The following NFKB1 variants were observed in gnomAD, a reference collection of about 807,000 sequenced individuals.
NFKB1 encodes nuclear factor NF-kappa-B p105 subunit.
NFKB1 carries 9 observed loss-of-function variants against 105.1 expected under a neutral mutation model. The observed-to-expected ratio is 0.09, with a 90% confidence interval of 0.05 to 0.15. The LOEUF (loss-of-function observed/expected upper bound fraction) is 0.15. Among genes scored for constraint, NFKB1 ranks in the 10% least tolerant of loss-of-function variants. NFKB1 has a pLI of 1.00. For synonymous variants in NFKB1, 440 were observed against 442.2 expected, an observed-to-expected ratio of 1.00 and a Z score of 0.06; for missense variants, 830 against 1,203.7, an observed-to-expected ratio of 0.69 and a Z score of 4.59.
chr4:102,615,081 C>T (rs1252337277), intron 23 of NFKB1, among the ~76,000 whole-genome samples: 1 of 152,154 alleles, frequency 6.6e-6, no homozygotes, highest in Non-Finnish European at 1.5e-5. Flanking sequence ...CACCTCCCTT[C>T]AGTCCATTCT....
chr4:102,603,080 A>AT (rs964384090), intron 16 of NFKB1, among the ~76,000 whole-genome samples: 10 of 151,274 alleles, frequency 6.6e-5, no homozygotes, highest in South Asian at 4.2e-4. Flanking sequence ...AGTAGCTGTG[A>AT]TTTTTTTTTG....
Position 102,596,148 on chromosome 4 carries a change from C to G in NFKB1, c.1311C>G (p.Asp437Glu), listed in dbSNP as rs758656960. The G allele has an allele frequency of 2.8e-5, 44 of 1,593,228 alleles. No homozygotes were observed. The highest frequency in any genetic ancestry group is 3.6e-5 in the Non-Finnish European group (42 of 1,167,506). Residue 437 changes from aspartate (D) to glutamate (E), a missense_variant, in exon 14 of 24, where the codon GAC becomes GAG. This residue lies in a region of NFKB1 where 163 missense variants were observed against 164.3 expected (regional missense o/e 0.99). Transcript: ENST00000226574. ...TTGCATTTATCTTAGGAACCATGGA[C>G]ACTGAATCTAAAAAGGACCCTGAAG... ...SNAGMKHGTM[D>E]TESKKDPEGC... is the part of the protein sequence containing the mutation.
At chr4:102,502,396 A>G (rs577919385) in intron 1 of NFKB1, among the ~76,000 whole-genome samples, 1,666 of 110,588 alleles carry the variant, frequency 0.015, 19 homozygotes, top group African/African-American at 0.024. Flanking sequence ...GCGCGCACAC[A>G]CACACACACA....
chr4:102,602,089 TCA>T (rs1727206139), intron 16 of NFKB1, among the ~76,000 whole-genome samples: 1 of 152,212 alleles, frequency 6.6e-6, no homozygotes, highest in Non-Finnish European at 1.5e-5. Flanking sequence ...TCCTGCTCTC[TCA>T]GTTTTTATAG....
chr4:102,552,328 C>G (rs1177514237), intron 5 of NFKB1, among the ~76,000 whole-genome samples: 2 of 152,078 alleles, frequency 1.3e-5, no homozygotes, highest in Non-Finnish European at 2.9e-5. Flanking sequence ...TAAATGTGTC[C>G]TGTTGTCACA....
intron 6 of NFKB1, among the ~76,000 whole-genome samples, chr4:102,568,207 A>G (rs1310849078): frequency 6.6e-6 from 1 of 152,012 alleles, no homozygotes; most frequent in African/African-American, 2.4e-5. Flanking sequence ...TCTTTGTTTG[A>G]CTGTGAAAAT....
rs1316573230 is a variant in NFKB1 at position 102,501,387 on chromosome 4, G to A, written c.-409G>A. 1 of 151,554 alleles carries A rather than the reference G, an allele frequency of 6.6e-6. No individual in the cohort carries two copies. The highest frequency in any genetic ancestry group is 1.5e-5 in the Non-Finnish European group (1 of 67,854). The allele number at this position is 151,554 out of a possible 1,614,324, so 9.4% of individuals were successfully genotyped here. ...GTGCACCAGCGAGCCGGGGCAGGAA[G>A]AGGAGGTTTCGCCACCGGAGCGGCC... On this transcript the variant is annotated 5_prime_UTR_variant, in exon 1 of 24. Coordinates refer to ENST00000226574, the MANE Select transcript of NFKB1 (RefSeq NM_003998.4).
At chr4:102,528,365 T>C (rs923980030) in intron 2 of NFKB1, among the ~76,000 whole-genome samples, 3 of 152,198 alleles carry the variant, frequency 2.0e-5, no homozygotes, top group Non-Finnish European at 1.5e-5. Context: ...TTTAATCTTA[T>C]AAGCATTGAA....
chr4:102,525,366 T>A lies in NFKB1; in HGVS notation c.-7-146T>A, dbSNP rs901217436. On this transcript the variant is annotated intron_variant, in intron 1 of 23. Transcript: ENST00000226574. Reference sequence around the variant, plus strand: ...TAGATACCAAAGAGGAACTACATCATGTCCTCCTCCTATGGTCTTCAAAAA... The same window carrying A: ...TAGATACCAAAGAGGAACTACATCAAGTCCTCCTCCTATGGTCTTCAAAAA... 16 of 641,476 alleles carry A rather than the reference T, an allele frequency of 2.5e-5. No individual in the cohort carries two copies. The African/African-American group carries it at 2.8e-4, about 11-fold the overall frequency. The allele number at this position is 641,476 out of a possible 1,614,324, so 39.7% of individuals were successfully genotyped here. A position where few individuals can be genotyped will look rare whatever the true frequency, so the allele number is the denominator to read the frequency against.
chr4:102,575,429 C>T (rs1225151249), intron 6 of NFKB1, among the ~76,000 whole-genome samples: 1 of 152,108 alleles, frequency 6.6e-6, no homozygotes, highest in Non-Finnish European at 1.5e-5. Flanking sequence ...CTCTTTCTTT[C>T]CTCTACTAAT....
chr4:102,583,414 T>C (rs1316869652), intron 10 of NFKB1, among the ~76,000 whole-genome samples: 1 of 152,198 alleles, frequency 6.6e-6, no homozygotes, highest in African/African-American at 2.4e-5. Context: ...CCAAAAAAGT[T>C]ACCTACTGTA....
At chr4:102,555,580 G>A (rs990492833) in intron 5 of NFKB1, among the ~76,000 whole-genome samples, 2 of 152,108 alleles carry the variant, frequency 1.3e-5, no homozygotes, top group African/African-American at 4.8e-5. Context: ...TCTAAGAGTC[G>A]GCTAGTTGGG....
At chr4:102,596,029 C>T in intron 13 of NFKB1, 109 bp from the exon 14 acceptor site, 11 of 628,694 alleles carry the variant, frequency 1.7e-5, no homozygotes, top group South Asian at 9.0e-5. Flanking sequence ...TTTTCTTTTC[C>T]TTTTGCAGCA....
intron 16 of NFKB1, among the ~76,000 whole-genome samples, chr4:102,602,341 T>A (rs1350663053): frequency 6.7e-6 from 1 of 148,616 alleles, no homozygotes; most frequent in Non-Finnish European, 1.5e-5. Context: ...TCATCCTGGC[T>A]AACATGGTGA....
chr4:102,593,546 G>A lies in NFKB1; in HGVS notation c.1188G>A (p.Gly396=). Residue 396 remains glycine, a synonymous_variant, in exon 12 of 24, where the codon GGG becomes GGA. Transcript: ENST00000226574. The part of the protein sequence containing the change: ...GGMFGSGGGG[G]GTGSTGPGYS... ...TGTTTGGTAGTGGCGGTGGAGGAGG[G>A]GGCACTGGAAGTACAGGTCCAGGTA... The A allele has an allele frequency of 1.2e-6, 2 of 1,613,578 alleles. No homozygotes were observed. The highest frequency in any genetic ancestry group is 1.7e-6 in the Non-Finnish European group (2 of 1,179,666).
chr4:102,579,105 C>A, intron 8 of NFKB1, 66 bp downstream of exon 8: 1 of 1,525,554 alleles, frequency 6.6e-7, no homozygotes, highest in East Asian at 2.3e-5. Context: ...CTGCCATTTA[C>A]TTGCTAGCTG....
At chr4:102,519,494 AT>A (rs34333104) in intron 1 of NFKB1, among the ~76,000 whole-genome samples, 8,593 of 150,458 alleles carry the variant, frequency 0.057, 379 homozygotes, top group Middle Eastern at 0.15. Context: ...ACCAAAGAAA[AT>A]TTTTTTTTAA....
intron 1 of NFKB1, among the ~76,000 whole-genome samples, chr4:102,522,916 C>T (rs1740660362): frequency 6.6e-6 from 1 of 152,100 alleles, no homozygotes; most frequent in Non-Finnish European, 1.5e-5. Context: ...CTTCTTATAA[C>T]TGAAAACTAT....
chr4:102,582,813 TAA>T, intron 9 of NFKB1, 51 bp from the exon 10 acceptor site: 3 of 1,183,050 alleles, frequency 2.5e-6, no homozygotes, highest in Non-Finnish European at 3.7e-6. Context: ...AGCATGTTTA[TAA>T]ATACTATTTA....
Sources: allele counts gnomAD v4.1 joint callset (sites outside exome capture counted in the v4.1 genomes callset), GRCh38; gene constraint gnomAD v4.1.1; regional missense constraint gnomAD v4.1.1; transcripts MANE v1.5; gene names NCBI Gene and HGNC (gene_info 2026-07-23, HGNC 2026-07-21).